The following PTPRD variants were observed in gnomAD, a reference collection of about 807,000 sequenced individuals.
The protein encoded by PTPRD is receptor-type tyrosine-protein phosphatase delta.
In PTPRD, 34 loss-of-function variants were observed where a neutral mutation model predicts 214.5. That is an observed-to-expected ratio of 0.16 (90% CI 0.12 to 0.21). The LOEUF (loss-of-function observed/expected upper bound fraction) is 0.21, where lower values mean the gene tolerates loss of function less well. Among genes scored for constraint, PTPRD ranks in the 10% least tolerant of loss-of-function variants. The pLI, the probability that PTPRD is intolerant of heterozygous loss-of-function variation, is 1.00. For missense variants in PTPRD, 2,545 were observed against 2,398.7 expected, an observed-to-expected ratio of 1.06 and a Z score of -1.27; for synonymous variants, 1,128 against 845.7, an observed-to-expected ratio of 1.33 and a Z score of -5.79.
intron 7 of PTPRD, among the ~76,000 whole-genome samples, chr9:9,658,650 G>A (rs1186520618): frequency 6.6e-6 from 1 of 152,022 alleles, no homozygotes; most frequent in East Asian, 1.9e-4. Flanking sequence ...GAAAATTCTG[G>A]TCACTTCTTT....
chr9:9,612,000 A>G (rs1273488146), intron 7 of PTPRD, among the ~76,000 whole-genome samples: 2 of 152,088 alleles, frequency 1.3e-5, no homozygotes, highest in Non-Finnish European at 2.9e-5. Context: ...TAAAATTAGA[A>G]AAAATAATTT....
rs935946047 is a variant in PTPRD at position 8,828,264 on chromosome 9, C to G, written c.-103-94318G>C. ...CTCCCTAAATTCATATGCTGAAGCT[C>G]TAATACTCAATGTGATGGTATTAGA... On this transcript the variant is annotated intron_variant, in intron 11 of 45. Transcript: ENST00000381196. 3.9e-5 allele frequency among the ~76,000 whole-genome samples: 6 copies of G among 152,204 alleles called. 1 individual carries two copies. The highest frequency in any genetic ancestry group is 7.2e-5 in the African/African-American group (3 of 41,458).
intron 3 of PTPRD, among the ~76,000 whole-genome samples, chr9:10,250,361 A>T (rs1290377599): frequency 6.6e-6 from 1 of 152,128 alleles, no homozygotes; most frequent in African/African-American, 2.4e-5. Flanking sequence ...AAGACAGCTG[A>T]ACAGTTTCTA....
intron 9 of PTPRD, among the ~76,000 whole-genome samples, chr9:9,347,368 G>A (rs958914408): frequency 4.6e-5 from 7 of 150,746 alleles, no homozygotes; most frequent in African/African-American, 1.7e-4. Context: ...ACATATAAGT[G>A]TTTATCCTAC....
chr9:10,465,177 A>G (rs2098985115), intron 2 of PTPRD, among the ~76,000 whole-genome samples: 1 of 152,226 alleles, frequency 6.6e-6, no homozygotes, highest in Non-Finnish European at 1.5e-5. Context: ...GTAATACATA[A>G]TCAAATAATA....
At chr9:8,465,422 T>A (rs756370103) in intron 32 of PTPRD, 44 bp downstream of exon 32, 1 of 1,553,842 alleles carries the variant, frequency 6.4e-7, no homozygotes, top group African/African-American at 1.4e-5. Flanking sequence ...AGTGAAAATG[T>A]ATAAGCGTAC....
chr9:9,566,974 G>A (rs574468250), intron 8 of PTPRD, among the ~76,000 whole-genome samples: 27 of 152,080 alleles, frequency 1.8e-4, no homozygotes, highest in South Asian at 1.5e-3. Flanking sequence ...AAGGCAGCAA[G>A]GGCACCAATT....
At chr9:10,260,385 A>C (rs1229014635) in intron 3 of PTPRD, among the ~76,000 whole-genome samples, 1 of 152,154 alleles carries the variant, frequency 6.6e-6, no homozygotes, top group Non-Finnish European at 1.5e-5. Context: ...TTTACAGAAG[A>C]CTTTTGTGTA....
intron 11 of PTPRD, among the ~76,000 whole-genome samples, chr9:9,006,336 T>A (rs2099466626): frequency 1.3e-5 from 2 of 152,104 alleles, no homozygotes; most frequent in African/African-American, 4.8e-5. Context: ...TTCTTTTTGT[T>A]CTTCTTCTTG....
chr9:10,311,893 C>T (rs2096275901), intron 3 of PTPRD, among the ~76,000 whole-genome samples: 1 of 151,928 alleles, frequency 6.6e-6, no homozygotes, highest in Non-Finnish European at 1.5e-5. Flanking sequence ...TCAGGACTGC[C>T]CATTGGGAGA....
At chr9:9,214,196 G>C (rs1266069254) in intron 9 of PTPRD, among the ~76,000 whole-genome samples, 1 of 152,162 alleles carries the variant, frequency 6.6e-6, no homozygotes, top group Admixed American at 6.5e-5. Context: ...TGCTCCAGCT[G>C]TCAAAAACAC....
chr9:9,931,519 G>C (rs569737482), intron 5 of PTPRD, among the ~76,000 whole-genome samples: 56 of 152,274 alleles, frequency 3.7e-4, no homozygotes, highest in African/African-American at 1.2e-3. Context: ...CTTTTCCGAC[G>C]GGCTTAAAAA....
At chr9:8,888,037 C>A (rs1443007573) in intron 11 of PTPRD, among the ~76,000 whole-genome samples, 1 of 152,126 alleles carries the variant, frequency 6.6e-6, no homozygotes, top group Non-Finnish European at 1.5e-5. Flanking sequence ...CTGCGTTTTT[C>A]AATGTGAAAA....
intron 11 of PTPRD, among the ~76,000 whole-genome samples, chr9:8,782,339 T>G (rs1030477394): frequency 6.6e-6 from 1 of 152,090 alleles, no homozygotes; most frequent in African/African-American, 2.4e-5. Context: ...GTCAACAACT[T>G]TTTTATGGTG....
Position 10,087,142 on chromosome 9 carries a change from T to A in PTPRD, c.-544-53352A>T, listed in dbSNP as rs1240212886. On this transcript the variant is annotated intron_variant, in intron 3 of 45. Transcript: ENST00000381196. Reference sequence around the variant, plus strand: ...TTTCTCAAATATGTTTTAGAGTTTTTTTTTTTTTAGAAACTGAAAAGTAGT... The same window carrying A: ...TTTCTCAAATATGTTTTAGAGTTTTATTTTTTTTAGAAACTGAAAAGTAGT... 6.6e-5 allele frequency among the ~76,000 whole-genome samples: 10 copies of A among 151,566 alleles called. No homozygotes were observed. In the East Asian group the frequency reaches 1.8e-3, roughly 27 times the overall value.
intron 2 of PTPRD, among the ~76,000 whole-genome samples, chr9:10,540,663 A>G (rs1293272639): frequency 6.6e-6 from 1 of 152,132 alleles, no homozygotes; most frequent in African/African-American, 2.4e-5. Context: ...TTCCAAATCC[A>G]CTGGCTAGGT....
chr9:9,693,468 A>G (rs2097311989), intron 7 of PTPRD, among the ~76,000 whole-genome samples: 1 of 152,110 alleles, frequency 6.6e-6, no homozygotes, highest in Non-Finnish European at 1.5e-5. Context: ...GCCATGTGCA[A>G]CTATGAGTCA....
intron 7 of PTPRD, among the ~76,000 whole-genome samples, chr9:9,683,261 A>G (rs1490544453): frequency 6.6e-6 from 1 of 151,768 alleles, no homozygotes; most frequent in Non-Finnish European, 1.5e-5. Flanking sequence ...GTGGTTCCCA[A>G]TTAAAGGAGG....
rs139497716 is a variant in PTPRD, at chr9:8,372,071, T to G, written c.4661+3865A>C. ...TTTCTCAGGTCTTTATACAAACAGA[T>G]GTATTATTATAAATGATCCTCTCTA... On this transcript the variant is annotated intron_variant, in intron 39 of 45. Coordinates refer to ENST00000381196, the MANE Select transcript of PTPRD (RefSeq NM_002839.4). Among the ~76,000 whole-genome samples the G allele has an allele frequency of 3.3e-3, 506 of 152,156 alleles. 4 individuals are homozygous for G. Among genetic ancestry groups the G allele is most frequent in the African/African-American group, 0.011 (467 of 41,560 alleles).
Sources: allele counts gnomAD v4.1 joint callset (sites outside exome capture counted in the v4.1 genomes callset), GRCh38; gene constraint gnomAD v4.1.1; transcripts MANE v1.5; gene names NCBI Gene and HGNC (gene_info 2026-07-23, HGNC 2026-07-21).